Variants in PIBF1 observed in about 807,000 individuals in gnomAD.
PIBF1 encodes progesterone-induced-blocking factor 1.
Under a neutral mutation model 112.5 loss-of-function variants are expected in PIBF1, and 90 were observed. That is an observed-to-expected ratio of 0.80 (90% CI 0.67 to 0.95). The LOEUF (loss-of-function observed/expected upper bound fraction) is 0.95. Among genes scored for constraint, PIBF1 ranks in the 40% least tolerant of loss-of-function variants. The pLI is 0.00. For synonymous variants in PIBF1, 301 were observed against 288.6 expected (o/e 1.04, Z -0.44); for missense variants, 915 against 852.3 (o/e 1.07, Z -0.92).
At chr13:72,837,227 A>T (rs2037403119) in intron 9 of PIBF1, among the ~76,000 whole-genome samples, 1 of 152,100 alleles carries the variant, frequency 6.6e-6, no homozygotes, top group Non-Finnish European at 1.5e-5. Context: ...TTAATTTTTA[A>T]AATAACATTT....
chr13:72,857,629 A>G (rs534990067), intron 10 of PIBF1, among the ~76,000 whole-genome samples: 89 of 152,354 alleles, frequency 5.8e-4, no homozygotes, highest in Non-Finnish European at 8.5e-4. Context: ...ACCTGAGGTC[A>G]GGAGTTCAAA....
chr13:72,829,811 T>C (rs1193180427), intron 8 of PIBF1, among the ~76,000 whole-genome samples: 1 of 152,182 alleles, frequency 6.6e-6, no homozygotes, highest in Non-Finnish European at 1.5e-5. Flanking sequence ...TCCAATTCCG[T>C]GAAGAAGGTC....
chr13:73,005,527 T>G (rs2044006382), intron 17 of PIBF1, among the ~76,000 whole-genome samples: 2 of 151,788 alleles, frequency 1.3e-5, no homozygotes, highest in African/African-American at 4.8e-5. Context: ...ATTTAAATTT[T>G]TAATTTAATT....
intron 13 of PIBF1, among the ~76,000 whole-genome samples, chr13:72,927,994 C>CATAT (rs1555316933): frequency 2.5e-5 from 2 of 79,950 alleles, no homozygotes; most frequent in African/African-American, 1.3e-4. Context: ...TATATACACA[C>CATAT]ACATATATAT....
chr13:72,830,033 T>C (rs1179046819), intron 8 of PIBF1, among the ~76,000 whole-genome samples: 1 of 152,204 alleles, frequency 6.6e-6, no homozygotes, highest in Non-Finnish European at 1.5e-5. Flanking sequence ...TTTATTCTCT[T>C]AGTAGCAGTT....
At position 72,908,661 on chromosome 13, in the gene PIBF1, T is replaced by G. The variant is rs778255155; in HGVS notation, c.1619T>G (p.Ile540Arg). The change falls in exon 12 of 18, where the codon ATA becomes AGA. Residue 540 changes from isoleucine to arginine, a missense_variant. Ile to Arg is a moderately conservative substitution (Grantham distance 97). Coordinates refer to ENST00000326291, the MANE Select transcript of PIBF1 (RefSeq NM_006346.4). ...YEKLEKELDE[I>R]IMQTAEIENE... ...AAACTGGAAAAAGAGCTTGATGAAA[T>G]AATAATGCAAACTGCAGAAAGTAAG... is the stretch of plus-strand genomic sequence containing the variant. The G allele has an allele frequency of 6.2e-6, 10 of 1,612,574 alleles. No individual in the cohort carries two copies. The highest frequency in any genetic ancestry group is 8.5e-6 in the Non-Finnish European group (10 of 1,179,400).
chr13:73,013,748 AAAAAAG>A lies in PIBF1; in HGVS notation c.2224-2109_2224-2104del, dbSNP rs2044294895. 5.9e-5 allele frequency among the ~76,000 whole-genome samples: 8 copies of A among 136,576 alleles called. No homozygotes were observed. The East Asian group carries it at 1.0e-3, about 18-fold the overall frequency. The allele number at this position is 136,576 out of a possible 152,430, so 89.6% of individuals were successfully genotyped here. On this transcript the variant is annotated intron_variant, in intron 17 of 17. Coordinates refer to ENST00000326291, the MANE Select transcript of PIBF1 (RefSeq NM_006346.4). ...GCCTATCTCAAAAAAAAAAAAAAAA[AAAAAAG>A]AAAAAGAAAAAATCCTGAAAGAAGC... is the stretch of plus-strand genomic sequence containing the variant.
chr13:72,952,411 T>C (rs2042324270), intron 14 of PIBF1, among the ~76,000 whole-genome samples: 1 of 152,026 alleles, frequency 6.6e-6, no homozygotes, highest in Admixed American at 6.6e-5. Flanking sequence ...TTGAGTAACT[T>C]ATTAGTCAGC....
chr13:72,896,152 A>T (rs1414686742), intron 11 of PIBF1, among the ~76,000 whole-genome samples: 1 of 152,178 alleles, frequency 6.6e-6, no homozygotes. Context: ...CCCCAGTACC[A>T]GCCTGGAGCT....
chr13:72,819,590 T>A (rs1412821390), intron 5 of PIBF1, among the ~76,000 whole-genome samples: 2 of 152,104 alleles, frequency 1.3e-5, no homozygotes, highest in African/African-American at 4.8e-5. Flanking sequence ...CTCTACTACT[T>A]ACGAGCTCTG....
intron 14 of PIBF1, among the ~76,000 whole-genome samples, chr13:72,958,309 CAAAAAAAAAAA>C (rs71799519): frequency 1.7e-4 from 12 of 68,730 alleles, no homozygotes; most frequent in African/African-American, 4.2e-4. Context: ...GACCCTATCT[CAAAAAAAAAAA>C]AAAAAAAAAA....
chr13:72,880,767 T>C lies in PIBF1; in HGVS notation c.1323-13017T>C, dbSNP rs1344083049. Reference sequence around the variant, plus strand: ...GAAGCTTCAAGATTATTTGAGACCTTTTTTGTTCTAGATCCCTTATTATAT... The same window carrying C: ...GAAGCTTCAAGATTATTTGAGACCTCTTTTGTTCTAGATCCCTTATTATAT... On this transcript the variant is annotated intron_variant, in intron 10 of 17. Transcript: ENST00000326291. Among the ~76,000 whole-genome samples, 5 of 152,190 alleles carry C rather than the reference T, an allele frequency of 3.3e-5. No individual in the cohort carries two copies. The East Asian group carries it at 5.8e-4, about 18-fold the overall frequency.
intron 5 of PIBF1, among the ~76,000 whole-genome samples, chr13:72,816,920 T>C (rs2036301916): frequency 6.6e-6 from 1 of 152,186 alleles, no homozygotes; most frequent in Non-Finnish European, 1.5e-5. Flanking sequence ...ACAGACTTCA[T>C]TGTGGCTTAT....
At chr13:72,927,279 G>A (rs796142948) in intron 13 of PIBF1, among the ~76,000 whole-genome samples, 24 of 152,260 alleles carry the variant, frequency 1.6e-4, no homozygotes, top group African/African-American at 5.8e-4. Flanking sequence ...GCCGAGGTGG[G>A]CGGATCACGA....
intron 14 of PIBF1, among the ~76,000 whole-genome samples, chr13:72,962,387 A>G (rs2042629268): frequency 6.6e-6 from 1 of 152,274 alleles, no homozygotes; most frequent in South Asian, 2.1e-4. Flanking sequence ...GCTTGAGCTC[A>G]GGAGTTCAAG....
intron 10 of PIBF1, among the ~76,000 whole-genome samples, chr13:72,873,515 G>T (rs531934609): frequency 6.6e-6 from 1 of 152,148 alleles, no homozygotes; most frequent in South Asian, 2.1e-4. Flanking sequence ...TGATTCTCCT[G>T]CCTCAGCCTC....
At chr13:72,791,158 G>T (rs996775595) in intron 2 of PIBF1, among the ~76,000 whole-genome samples, 1 of 151,998 alleles carries the variant, frequency 6.6e-6, no homozygotes. Context: ...GGGTTCACGC[G>T]ATTCTCCTGC....
intron 10 of PIBF1, among the ~76,000 whole-genome samples, chr13:72,863,375 G>C (rs754154627): frequency 6.6e-6 from 1 of 152,140 alleles, no homozygotes; most frequent in Non-Finnish European, 1.5e-5. Flanking sequence ...TCAGGGCCAG[G>C]GCGCGGTGGC....
intron 9 of PIBF1, among the ~76,000 whole-genome samples, chr13:72,850,370 C>G (rs916690767): frequency 6.6e-6 from 1 of 152,222 alleles, no homozygotes; most frequent in Non-Finnish European, 1.5e-5. Flanking sequence ...AAAGAATAAT[C>G]AACTCCTTCT....
Sources: allele counts gnomAD v4.1 joint callset (sites outside exome capture counted in the v4.1 genomes callset), GRCh38; gene constraint gnomAD v4.1.1; transcripts MANE v1.5; gene names NCBI Gene and HGNC (gene_info 2026-07-23, HGNC 2026-07-21).